VTI1B: variants seen among roughly 807,000 people sequenced by gnomAD.
VTI1B encodes vesicle transport through interaction with t-SNAREs homolog 1B.
Under a neutral mutation model 28.6 loss-of-function variants are expected in VTI1B, and 18 were observed. The observed-to-expected ratio is 0.63, with a 90% CI of 0.43 to 0.93. The LOEUF (loss-of-function observed/expected upper bound fraction) is 0.93, where lower values mean the gene tolerates loss of function less well. Among genes scored for constraint, VTI1B ranks in the 40% least tolerant of loss-of-function variants. VTI1B has a pLI of 0.00. For missense variants in VTI1B, 283 were observed against 297.0 expected, an observed-to-expected ratio of 0.95 and a Z score of 0.35; for synonymous variants, 100 against 107.9, an observed-to-expected ratio of 0.93 and a Z score of 0.46.
chr14:67,662,735 C>T (rs1429465031), intron 1 of VTI1B, among the ~76,000 whole-genome samples, 200 bp from the exon 2 acceptor site: 1 of 152,060 alleles, frequency 6.6e-6, no homozygotes, highest in African/African-American at 2.4e-5. Flanking sequence ...GAAACCCCAT[C>T]TCTACTAACG....
chr14:67,651,629 T>C (rs569848836), intron 5 of VTI1B, 148 bp from the exon 6 acceptor site: 2 of 777,002 alleles, frequency 2.6e-6, no homozygotes, highest in South Asian at 3.9e-5. Flanking sequence ...CTCATAAGGT[T>C]CTTTAGCTGT....
chr14:67,653,355 G>A (rs1463998968), intron 5 of VTI1B, 82 bp downstream of exon 5: 17 of 1,228,088 alleles, frequency 1.4e-5, no homozygotes, highest in Non-Finnish European at 2.0e-5. Context: ...GCTTTATGAG[G>A]ACCTTTGTAA....
chr14:67,658,364 A>G (rs1468979029), intron 3 of VTI1B, among the ~76,000 whole-genome samples: 3 of 151,910 alleles, frequency 2.0e-5, no homozygotes, highest in Non-Finnish European at 1.5e-5. Context: ...GGAGGCCGAG[A>G]CGGGTGGATC....
chr14:67,660,579 C>CCTT (rs1323061638), intron 2 of VTI1B, among the ~76,000 whole-genome samples: 1 of 152,190 alleles, frequency 6.6e-6, no homozygotes, highest in Non-Finnish European at 1.5e-5. Flanking sequence ...AGGGTTCTTC[C>CCTT]CTTCTCCTGC....
intron 2 of VTI1B, 130 bp from the exon 3 acceptor site, chr14:67,660,052 G>C: frequency 1.1e-6 from 1 of 941,524 alleles, no homozygotes; most frequent in African/African-American, 1.7e-5. Flanking sequence ...TATGCTCCAT[G>C]AGGCAGGGAC....
At chr14:67,661,278 CAAAAA>C (rs1208811725) in intron 2 of VTI1B, among the ~76,000 whole-genome samples, 3 of 56,548 alleles carry the variant, frequency 5.3e-5, no homozygotes, top group Admixed American at 2.9e-4. Flanking sequence ...AGGGCTAGAG[CAAAAA>C]AAAAAAAAAA....
At chr14:67,654,467 G>A (rs144522274) in intron 4 of VTI1B, among the ~76,000 whole-genome samples, 47 of 152,120 alleles carry the variant, frequency 3.1e-4, no homozygotes, top group African/African-American at 1.0e-3. Context: ...AATCTACCTG[G>A]TATGTTCAAA....
intron 1 of VTI1B, among the ~76,000 whole-genome samples, chr14:67,666,290 A>G (rs769668619): frequency 2.0e-5 from 3 of 152,230 alleles, no homozygotes; most frequent in Non-Finnish European, 4.4e-5. Flanking sequence ...GGCAAATTCT[A>G]GAATGATTCC....
intron 3 of VTI1B, 59 bp downstream of exon 3, chr14:67,659,672 A>T: frequency 6.6e-7 from 1 of 1,504,614 alleles, no homozygotes; most frequent in South Asian, 1.3e-5. Flanking sequence ...AATATAGTTA[A>T]TTTTTGTACC....
intron 1 of VTI1B, among the ~76,000 whole-genome samples, chr14:67,663,904 C>T (rs1036009891): frequency 8.5e-5 from 13 of 152,158 alleles, no homozygotes; most frequent in African/African-American, 3.1e-4. Context: ...TGGGACCTCA[C>T]ATTCTCCTTC....
At chr14:67,658,691 T>C (rs530352309) in intron 3 of VTI1B, among the ~76,000 whole-genome samples, 6 of 152,368 alleles carry the variant, frequency 3.9e-5, no homozygotes, top group Admixed American at 2.6e-4. Flanking sequence ...AAGTCACTTT[T>C]ACAACTCCCA....
At chr14:67,664,725 C>T (rs11624498) in intron 1 of VTI1B, among the ~76,000 whole-genome samples, 19,431 of 152,178 alleles carry the variant, frequency 0.13, 1,296 homozygotes, top group East Asian at 0.22. Flanking sequence ...TCTCAAACTC[C>T]TGACCTCAAG....
chr14:67,664,814 C>G (rs1191016574), intron 1 of VTI1B, among the ~76,000 whole-genome samples: 8 of 152,096 alleles, frequency 5.3e-5, no homozygotes, highest in Non-Finnish European at 1.2e-4. Flanking sequence ...TGTGGGTATT[C>G]AGTTGCTGTC....
At chr14:67,670,907 T>C (rs1249088944) in intron 1 of VTI1B, among the ~76,000 whole-genome samples, 2 of 152,190 alleles carry the variant, frequency 1.3e-5, no homozygotes, top group Non-Finnish European at 2.9e-5. Flanking sequence ...TCAGTGTTTA[T>C]TGAAAAATGA....
At chr14:67,660,336 G>T in intron 2 of VTI1B, 1 of 156,106 alleles carries the variant, frequency 6.4e-6, no homozygotes, top group Non-Finnish European at 1.4e-5. Context: ...TGTAATCCTG[G>T]CACTTTGGGA....
chr14:67,662,472 C>T lies in VTI1B; in HGVS notation c.174+5G>A. ...GAAGAAACAAAATTTGTTCCTTGTT[C>T]TCACCGTTTCATTTGCTTCCTGTTG... On this transcript the variant is annotated splice_donor_5th_base_variant and intron_variant, in intron 2 of 5. Transcript: ENST00000554659. The T allele has an allele frequency of 1.2e-6, 2 of 1,612,834 alleles. No homozygotes were observed. Among genetic ancestry groups the T allele is most frequent in the South Asian group, 1.1e-5 (1 of 90,880 alleles).
chr14:67,651,334 A>T lies in VTI1B; in HGVS notation c.*51T>A. 1 of 1,611,408 alleles carries T rather than the reference A, an allele frequency of 6.2e-7. No individual in the cohort carries two copies. The highest frequency in any genetic ancestry group is 8.5e-7 in the Non-Finnish European group (1 of 1,178,348). On this transcript the variant is annotated 3_prime_UTR_variant, in exon 6 of 6. Coordinates refer to ENST00000554659, the MANE Select transcript of VTI1B (RefSeq NM_006370.3). ...TTATTCTATCCACATCCCTAACATC[A>T]TGCATTCACAAGGTCAAAGTTCTGG...
chr14:67,674,228 G>A, intron 1 of VTI1B, 147 bp downstream of exon 1: 2 of 648,198 alleles, frequency 3.1e-6, no homozygotes, highest in East Asian at 3.1e-5. Context: ...AGGGAGACCT[G>A]GGGCTGGGAC....
chr14:67,653,036 G>A lies in VTI1B; in HGVS notation c.602+401C>T, dbSNP rs147388256. Among the ~76,000 whole-genome samples the A allele has an allele frequency of 4.7e-4, 72 of 152,252 alleles. 1 individual carries two copies. The highest frequency in any genetic ancestry group is 1.6e-3 in the African/African-American group (68 of 41,534). ...GAACTCCTGACCTTGTGATCTGCCC[G>A]CTTCAGCCTCCCAAGGTGCTGGGAT... On this transcript the variant is annotated intron_variant, in intron 5 of 5. Transcript: ENST00000554659.
Sources: allele counts gnomAD v4.1 joint callset (sites outside exome capture counted in the v4.1 genomes callset), GRCh38; gene constraint gnomAD v4.1.1; transcripts MANE v1.5; gene names NCBI Gene and HGNC (gene_info 2026-07-23, HGNC 2026-07-21).